SPOCK1: variants seen among roughly 807,000 people sequenced by gnomAD.
The protein encoded by SPOCK1 is testican-1.
Under a neutral mutation model 55.3 loss-of-function variants are expected in SPOCK1, and 23 were observed. The observed-to-expected ratio is 0.42, with a 90% confidence interval of 0.30 to 0.59. The LOEUF is 0.59. Among genes scored for constraint, SPOCK1 ranks in the 20% least tolerant of loss-of-function variants. The probability of loss-of-function intolerance (pLI) is 0.22; values close to 1 mark genes in which losing one functional copy is unlikely to be tolerated. For missense variants in SPOCK1, 499 were observed against 552.5 expected (o/e 0.90, Z 0.97); for synonymous variants, 226 against 221.0 (o/e 1.02, Z -0.20).
At chr5:137,498,881 G>C (rs568669279) in intron 1 of SPOCK1, among the ~76,000 whole-genome samples, 2 of 145,622 alleles carry the variant, frequency 1.4e-5, no homozygotes, top group South Asian at 2.3e-4. Flanking sequence ...GAAGCGGGGA[G>C]CCCGGGTCCG....
intron 2 of SPOCK1, among the ~76,000 whole-genome samples, chr5:137,375,466 G>A (rs1751293030): frequency 6.6e-6 from 1 of 152,198 alleles, no homozygotes; most frequent in South Asian, 2.1e-4. Context: ...GGAAGTGCTG[G>A]AAGTGCTTTA....
chr5:137,483,104 G>A (rs543026786), intron 2 of SPOCK1, among the ~76,000 whole-genome samples: 120 of 152,320 alleles, frequency 7.9e-4, no homozygotes, highest in African/African-American at 2.5e-3. Flanking sequence ...AGGCCGAGGC[G>A]GGTGGATCAC....
intron 2 of SPOCK1, among the ~76,000 whole-genome samples, chr5:137,442,636 G>A (rs1753039178): frequency 6.6e-6 from 1 of 152,214 alleles, no homozygotes; most frequent in Non-Finnish European, 1.5e-5. Flanking sequence ...TCTTTACAAT[G>A]TAGCTAAACA....
intron 5 of SPOCK1, among the ~76,000 whole-genome samples, chr5:137,080,284 G>C (rs886562208): frequency 6.6e-6 from 1 of 152,268 alleles, no homozygotes; most frequent in African/African-American, 2.4e-5. Flanking sequence ...CCAAATCCAG[G>C]CTATCTGATT....
Position 137,112,452 on chromosome 5 carries a change from G to A in SPOCK1, c.457C>T (p.His153Tyr), listed in dbSNP as rs535164705. ...QSAMVCGSDG[H>Y]SYTSKCKLEF... ...AAACCAACCTTGGATGTGTAGGAGT[G>A]GCCATCTGAGCCGCAGACCATGGCT... Residue 153 changes from histidine (H) to tyrosine (Y), a missense_variant, in exon 5 of 11, where the codon CAC (histidine) becomes TAC (tyrosine). Physicochemically the swap from His to Tyr is moderately conservative, Grantham distance 83 (BLOSUM62 2). Around this residue, in one of 3 missense-constraint regions of SPOCK1, gnomAD observed 386 missense variants for 400.6 expected, o/e 0.96. Transcript: ENST00000394945. 4 of 1,613,508 alleles carry A rather than the reference G, an allele frequency of 2.5e-6. No individual in the cohort carries two copies. Among genetic ancestry groups the A allele is most frequent in the South Asian group, 2.2e-5 (2 of 90,978 alleles).
At chr5:137,140,717 G>C in intron 3 of SPOCK1, 23 bp from the exon 4 acceptor site, 1 of 1,497,860 alleles carries the variant, frequency 6.7e-7, no homozygotes, top group Non-Finnish European at 9.1e-7. Flanking sequence ...CAAGAAGGAG[G>C]GCAGGGTTTA....
At chr5:137,282,746 C>T (rs1757190953) in intron 2 of SPOCK1, among the ~76,000 whole-genome samples, 1 of 152,152 alleles carries the variant, frequency 6.6e-6, no homozygotes, top group Non-Finnish European at 1.5e-5. Flanking sequence ...GAGACTTGGC[C>T]TCCTCAGAAG....
At chr5:137,127,697 C>T (rs1316892913) in intron 4 of SPOCK1, among the ~76,000 whole-genome samples, 1 of 152,224 alleles carries the variant, frequency 6.6e-6, no homozygotes, top group Non-Finnish European at 1.5e-5. Flanking sequence ...CTATTTCTCT[C>T]TTTTGGGATG....
intron 6 of SPOCK1, among the ~76,000 whole-genome samples, chr5:137,033,346 T>A (rs984094086): frequency 6.6e-6 from 1 of 152,200 alleles, no homozygotes; most frequent in Non-Finnish European, 1.5e-5. Context: ...GCCTTCGAAT[T>A]TGCATGCCTT....
rs78948661 is a variant in SPOCK1 at position 137,111,294 on chromosome 5, G to A, written c.474+1141C>T. On this transcript the variant is annotated intron_variant, in intron 5 of 10. Transcript: ENST00000394945. Reference sequence around the variant, plus strand: ...AAGAACCATGCAGCAGTGTGGCCAGGAGTCACCAAGATGTCCCCTACAGCA... The same window carrying A: ...AAGAACCATGCAGCAGTGTGGCCAGAAGTCACCAAGATGTCCCCTACAGCA... 7.5e-3 allele frequency among the ~76,000 whole-genome samples: 1,148 copies of A among 152,218 alleles called. 10 individuals carry two copies. Among genetic ancestry groups the A allele is most frequent in the Non-Finnish European group, 0.014 (943 of 68,006 alleles).
intron 3 of SPOCK1, among the ~76,000 whole-genome samples, chr5:137,173,467 G>A (rs1754793246): frequency 6.6e-6 from 1 of 152,112 alleles, no homozygotes; most frequent in East Asian, 1.9e-4. Context: ...TTGAAATAGA[G>A]ATTGAAGCTG....
rs1010737098 is a variant in SPOCK1 at position 137,053,442 on chromosome 5, C to G, written c.589+14273G>C. Among the ~76,000 whole-genome samples the G allele has an allele frequency of 7.9e-5, 12 of 152,050 alleles. 1 individual carries two copies. The highest frequency in any genetic ancestry group is 7.9e-4 in the Admixed American group (12 of 15,272). On this transcript the variant is annotated intron_variant, in intron 6 of 10. Coordinates refer to ENST00000394945, the MANE Select transcript of SPOCK1 (RefSeq NM_004598.4). ...ACCTTGACAACTTCTGACCTTGCAC[C>G]AATATTGCCTGTAAAAAGGATGTGC... is the stretch of plus-strand genomic sequence containing the variant.
chr5:137,183,435 T>C (rs1430101102), intron 3 of SPOCK1, among the ~76,000 whole-genome samples: 1 of 152,152 alleles, frequency 6.6e-6, no homozygotes, highest in Non-Finnish European at 1.5e-5. Context: ...GAGATCAGGG[T>C]AGAAAGTTTA....
At chr5:137,232,893 A>G (rs1166581856) in intron 3 of SPOCK1, among the ~76,000 whole-genome samples, 6 of 152,150 alleles carry the variant, frequency 3.9e-5, no homozygotes, top group Non-Finnish European at 7.3e-5. Context: ...ATATAATACA[A>G]TTTGTATTTG....
chr5:137,036,958 G>A lies in SPOCK1; in HGVS notation c.589+30757C>T, dbSNP rs184659792. ...CATTTCCCTCTCAGATTACCAGCCC[G>A]GCAGCCCTGGGAGAGAGAGAGAGTG... On this transcript the variant is annotated intron_variant, in intron 6 of 10. Coordinates refer to ENST00000394945, the MANE Select transcript of SPOCK1 (RefSeq NM_004598.4). Among the ~76,000 whole-genome samples, 7 of 152,186 alleles carry A rather than the reference G, an allele frequency of 4.6e-5. No homozygotes were observed. In the East Asian group the frequency reaches 7.8e-4, roughly 17 times the overall value.
At chr5:137,103,202 A>G (rs1753304809) in intron 5 of SPOCK1, among the ~76,000 whole-genome samples, 1 of 151,966 alleles carries the variant, frequency 6.6e-6, no homozygotes, top group South Asian at 2.1e-4. Flanking sequence ...TGTTGAGCAG[A>G]CTCAAATTCC....
intron 5 of SPOCK1, among the ~76,000 whole-genome samples, chr5:137,084,727 A>T (rs2127015807): frequency 6.6e-6 from 1 of 152,186 alleles, no homozygotes; most frequent in African/African-American, 2.4e-5. Context: ...AAAACAAAAA[A>T]CAGAAAAGAA....
chr5:137,446,169 A>G (rs1172040554), intron 2 of SPOCK1, among the ~76,000 whole-genome samples: 1 of 152,234 alleles, frequency 6.6e-6, no homozygotes, highest in Non-Finnish European at 1.5e-5. Context: ...CCAGGCATTT[A>G]TTAACAATAA....
chr5:137,356,838 T>TATATATATGGAGAGAGAGAGAGAGAG (rs1554077335), intron 2 of SPOCK1, among the ~76,000 whole-genome samples: 1 of 5,454 alleles, frequency 1.8e-4, no homozygotes. Context: ...TATATATATA[T>TATATATATGGAGAGAGAGAGAGAGAG]AGAGAGAGAG....
Sources: gnomAD v4.1 joint callset for allele counts (sites outside exome capture counted in the v4.1 genomes callset) on GRCh38, gnomAD v4.1.1 for gene constraint, gnomAD v4.1.1 regional missense constraint, MANE v1.5 for transcripts, NCBI Gene and HGNC (gene_info 2026-07-23, HGNC 2026-07-21) for gene names.